The following EHMT1 variants were observed in gnomAD, a reference collection of about 807,000 sequenced individuals.
EHMT1 encodes the protein histone-lysine N-methyltransferase EHMT1.
In EHMT1, 15 loss-of-function variants were observed where a neutral mutation model predicts 147.2. The observed-to-expected ratio is 0.10, with a 90% CI of 0.07 to 0.16. The LOEUF is 0.16. EHMT1 is among the 10% of genes least tolerant of loss of function. EHMT1 has a pLI of 1.00. For synonymous variants in EHMT1, 795 were observed against 709.6 expected (o/e 1.12, Z -1.91); for missense variants, 1,587 against 1,772.4 (o/e 0.90, Z 1.88).
chr9:137,804,626 C>T (rs1272236584), intron 18 of EHMT1, among the ~76,000 whole-genome samples: 1 of 152,042 alleles, frequency 6.6e-6, no homozygotes, highest in Non-Finnish European at 1.5e-5. Context: ...CTGTTTTTGG[C>T]GTTCTGTTTA....
chr9:137,651,390 T>C (rs1937798282), intron 1 of EHMT1, among the ~76,000 whole-genome samples: 2 of 152,240 alleles, frequency 1.3e-5, no homozygotes, highest in South Asian at 4.1e-4. Flanking sequence ...TTTTAGCTCT[T>C]TTAATTAGAT....
intron 10 of EHMT1, among the ~76,000 whole-genome samples, chr9:137,771,845 CA>C (rs1289791414): frequency 2.0e-5 from 3 of 152,200 alleles, no homozygotes; most frequent in Non-Finnish European, 4.4e-5. Flanking sequence ...GGATGAGTCA[CA>C]GGGGACCCCA....
intron 1 of EHMT1, among the ~76,000 whole-genome samples, chr9:137,620,333 G>T (rs1047500188): frequency 3.9e-5 from 6 of 152,196 alleles, no homozygotes; most frequent in Non-Finnish European, 8.8e-5. Flanking sequence ...CACACACTGT[G>T]CAAGACCTTT....
Position 137,754,689 on chromosome 9 carries a change from G to T in EHMT1, c.1369+398G>T, listed in dbSNP as rs536046096. ...CATCATGCCCAGCTTATTTTTTTGTGTTTTTTTGGTAGAGATGGGGTTTTG... is the reference window on the plus strand; with the variant it reads ...CATCATGCCCAGCTTATTTTTTTGTTTTTTTTTGGTAGAGATGGGGTTTTG... On this transcript the variant is annotated intron_variant, in intron 8 of 26. Coordinates refer to ENST00000460843, the MANE Select transcript of EHMT1 (RefSeq NM_024757.5). 2.0e-4 allele frequency among the ~76,000 whole-genome samples: 30 copies of T among 152,080 alleles called. No homozygotes were observed. In the South Asian group the frequency reaches 6.2e-3, roughly 32 times the overall value.
intron 25 of EHMT1, among the ~76,000 whole-genome samples, chr9:137,831,176 G>C (rs930619438): frequency 3.9e-5 from 6 of 152,210 alleles, no homozygotes; most frequent in Non-Finnish European, 8.8e-5. Flanking sequence ...GTCTCAGCCT[G>C]TGAGTCTGGT....
At chr9:137,770,184 C>G (rs1950503148) in intron 10 of EHMT1, among the ~76,000 whole-genome samples, 1 of 152,142 alleles carries the variant, frequency 6.6e-6, no homozygotes, top group South Asian at 2.1e-4. Context: ...TCTGGGATTC[C>G]TTGTACACAC....
intron 4 of EHMT1, among the ~76,000 whole-genome samples, chr9:137,741,128 C>T (rs971360288): frequency 1.3e-5 from 2 of 152,138 alleles, no homozygotes; most frequent in Non-Finnish European, 2.9e-5. Context: ...AGGCGCCCGC[C>T]ACCTTGGCCG....
At chr9:137,666,258 C>T (rs1486885588) in intron 1 of EHMT1, among the ~76,000 whole-genome samples, 1 of 152,212 alleles carries the variant, frequency 6.6e-6, no homozygotes, top group African/African-American at 2.4e-5. Flanking sequence ...AGGTCCCCTC[C>T]AACTGAGGGT....
At chr9:137,649,340 A>G (rs1158759164) in intron 1 of EHMT1, among the ~76,000 whole-genome samples, 1 of 152,110 alleles carries the variant, frequency 6.6e-6, no homozygotes, top group Non-Finnish European at 1.5e-5. Flanking sequence ...GGTGCCTGTA[A>G]TCCCAGATAC....
At chr9:137,762,854 G>A (rs770101753) in intron 10 of EHMT1, 34 bp downstream of exon 10, 14 of 1,612,772 alleles carry the variant, frequency 8.7e-6, no homozygotes, top group East Asian at 6.7e-5. Context: ...AAGCAGCCAC[G>A]AGGAGTGAGT....
intron 1 of EHMT1, among the ~76,000 whole-genome samples, chr9:137,639,811 T>G (rs893546639): frequency 6.6e-6 from 1 of 152,214 alleles, no homozygotes; most frequent in Non-Finnish European, 1.5e-5. Flanking sequence ...ATTTTTAAAG[T>G]GTCACCTTAG....
At chr9:137,645,936 A>C (rs1844850630) in intron 1 of EHMT1, among the ~76,000 whole-genome samples, 1 of 151,936 alleles carries the variant, frequency 6.6e-6, no homozygotes, top group Admixed American at 6.6e-5. Context: ...GTTAAAGGCA[A>C]TTTATTAAAA....
At chr9:137,761,658 C>T (rs1475844209) in intron 9 of EHMT1, among the ~76,000 whole-genome samples, 3 of 152,120 alleles carry the variant, frequency 2.0e-5, no homozygotes, top group East Asian at 1.9e-4. Flanking sequence ...GGGGTTTCAC[C>T]ATGTTGTCCA....
rs1465504592 is a variant in EHMT1 at position 137,828,543 on chromosome 9, C to T, written c.3541-5806C>T. Among the ~76,000 whole-genome samples the T allele has an allele frequency of 6.6e-6, 1 of 151,792 alleles. No homozygotes were observed. The highest frequency in any genetic ancestry group is 2.4e-5 in the African/African-American group (1 of 41,298). On this transcript the variant is annotated intron_variant, in intron 25 of 26. Transcript: ENST00000460843. The surrounding 1 kb of genome is among the most constrained non-coding windows in gnomAD (Gnocchi z 5.3). ...TCCTGGGGTCAGACTGAGAAAGGGG[C>T]TCGTCCTGAGAAGCCACAAAGTGTG...
intron 18 of EHMT1, chr9:137,802,537 A>C: frequency 2.5e-6 from 1 of 398,616 alleles, no homozygotes; most frequent in East Asian, 3.6e-5. Context: ...AATGTGCTGA[A>C]GTCTGGTGTC....
intron 1 of EHMT1, among the ~76,000 whole-genome samples, chr9:137,624,725 G>A (rs1843147797): frequency 1.3e-5 from 2 of 152,024 alleles, no homozygotes; most frequent in Non-Finnish European, 2.9e-5. Flanking sequence ...GCCTCCCAAA[G>A]TGTTGGGATT....
chr9:137,818,544 A>G (rs1955125858), intron 25 of EHMT1, among the ~76,000 whole-genome samples: 1 of 145,514 alleles, frequency 6.9e-6, no homozygotes, highest in African/African-American at 2.8e-5. Flanking sequence ...GACTGTAGAG[A>G]GGCCGACTGA....
intron 1 of EHMT1, among the ~76,000 whole-genome samples, chr9:137,696,165 G>GA (rs1230827297): frequency 6.6e-6 from 1 of 152,132 alleles, no homozygotes; most frequent in Non-Finnish European, 1.5e-5. Context: ...AGAGGGAAAA[G>GA]AAAATCTCTC....
At chr9:137,801,083 G>T in intron 18 of EHMT1, 99 bp downstream of exon 18, 1 of 1,105,782 alleles carries the variant, frequency 9.0e-7, no homozygotes, top group South Asian at 1.3e-5. Context: ...CTGGCACCTG[G>T]TGGCGGCTTT....
Sources: allele counts gnomAD v4.1 joint callset (sites outside exome capture counted in the v4.1 genomes callset), GRCh38; gene constraint gnomAD v4.1.1; non-coding constraint Gnocchi (gnomAD v3.1); transcripts MANE v1.5; gene names NCBI Gene and HGNC (gene_info 2026-07-23, HGNC 2026-07-21).